The following TGS1 variants were observed in gnomAD, a reference collection of about 807,000 sequenced individuals.
TGS1 encodes the protein trimethylguanosine synthase 1.
A neutral mutation model predicts 92.2 loss-of-function variants in TGS1; 69 were observed. The observed-to-expected ratio is 0.75, with a 90% CI of 0.62 to 0.91. The LOEUF is 0.91. Ranked by LOEUF, TGS1 falls within the 40% of genes least tolerant of loss-of-function variation. The probability of loss-of-function intolerance (pLI) is 0.00; values close to 1 mark genes in which losing one functional copy is unlikely to be tolerated. For synonymous variants in TGS1, 345 were observed against 338.1 expected, an observed-to-expected ratio of 1.02 and a Z score of -0.22; for missense variants, 1,062 against 1,001.2, an observed-to-expected ratio of 1.06 and a Z score of -0.82.
At position 55,826,116 on chromosome 8, in the gene TGS1, C is replaced by G. The variant is rs148932827; in HGVS notation, c.*1413C>G. Among the ~76,000 whole-genome samples the G allele has an allele frequency of 3.3e-5, 5 of 152,244 alleles. No individual in the cohort carries two copies. The highest frequency in any genetic ancestry group is 3.9e-4 in the East Asian group (2 of 5,180). On this transcript the variant is annotated 3_prime_UTR_variant, in exon 13 of 13. Transcript: ENST00000260129. ...CCAACCACCTCAGCCTCCCGTAGTT[C>G]TGGGATTACAGGCGTGAGCCACCGC...
At chr8:55,810,714 A>T (rs1803314801) in intron 10 of TGS1, among the ~76,000 whole-genome samples, 167 bp from the exon 11 acceptor site, 1 of 152,248 alleles carries the variant, frequency 6.6e-6, no homozygotes, top group South Asian at 2.1e-4. Flanking sequence ...TAATTTAAAT[A>T]AAAAATTTAA....
At chr8:55,804,808 TA>T in intron 9 of TGS1, 84 bp from the exon 10 acceptor site, 1 of 1,144,046 alleles carries the variant, frequency 8.7e-7, no homozygotes, top group East Asian at 2.5e-5. Flanking sequence ...TAAAAGTATG[TA>T]AGATATAGTA....
intron 12 of TGS1, among the ~76,000 whole-genome samples, chr8:55,813,602 T>C (rs547039281): frequency 1.1e-4 from 16 of 152,242 alleles, no homozygotes; most frequent in Non-Finnish European, 2.4e-4. Flanking sequence ...TGTTGCTAAC[T>C]GGGTTTTTCC....
At chr8:55,798,168 A>G (rs902050195) in intron 7 of TGS1, among the ~76,000 whole-genome samples, 5 of 152,234 alleles carry the variant, frequency 3.3e-5, no homozygotes, top group Non-Finnish European at 7.3e-5. Context: ...TAATTTATTT[A>G]TAGGCACATT....
At chr8:55,791,792 A>T (rs28587405) in intron 5 of TGS1, among the ~76,000 whole-genome samples, 20,763 of 151,932 alleles carry the variant, frequency 0.14, 1,539 homozygotes, top group African/African-American at 0.19. Flanking sequence ...TCATCTCTAC[A>T]TTTTTTTCTT....
rs143324259 is a variant in TGS1 at position 55,789,263 on chromosome 8, A to G, written c.1163-919A>G. Among the ~76,000 whole-genome samples, 754 of 152,336 alleles carry G rather than the reference A, an allele frequency of 4.9e-3. 6 individuals carry two copies. Among genetic ancestry groups the G allele is most frequent in the South Asian group, 0.022 (107 of 4,824 alleles). On this transcript the variant is annotated intron_variant, in intron 4 of 12. Coordinates refer to ENST00000260129, the MANE Select transcript of TGS1 (RefSeq NM_024831.8). ...CTTCCAGTCTGACAAAATAGAGAAC[A>G]AAGACAGATTTGTGCCTCAGTTTTT...
chr8:55,819,350 G>T (rs1803572542), intron 12 of TGS1, among the ~76,000 whole-genome samples: 1 of 137,528 alleles, frequency 7.3e-6, no homozygotes, highest in African/African-American at 2.8e-5. Flanking sequence ...AGGCTGGAGT[G>T]CAATGGCCTG....
intron 6 of TGS1, among the ~76,000 whole-genome samples, chr8:55,794,595 T>TA (rs1429740704): frequency 6.6e-6 from 1 of 151,774 alleles, no homozygotes; most frequent in Non-Finnish European, 1.5e-5. Context: ...AGGCAGAAAA[T>TA]AAAAAAATAA....
At position 55,773,554 on chromosome 8, in the gene TGS1, C is replaced by T; in HGVS notation, c.-65C>T. 7.6e-7 allele frequency: 1 copy of T among 1,310,500 alleles called. No homozygotes were observed. Among genetic ancestry groups the T allele is most frequent in the South Asian group, 1.2e-5 (1 of 80,698 alleles). 81.2% of individuals were successfully genotyped at this position (1,310,500 alleles called of 1,614,324 possible). On this transcript the variant is annotated 5_prime_UTR_variant, in exon 1 of 13. Transcript: ENST00000260129. ...GAGGCCTGTTTTAAGTCTCCAGTAA[C>T]CGAGCGGAGGCCCGGCAGGCGCGAC... is the stretch of plus-strand genomic sequence containing the variant.
chr8:55,795,941 ATT>A, intron 6 of TGS1, 35 bp from the exon 7 acceptor site: 1 of 1,516,922 alleles, frequency 6.6e-7, no homozygotes, highest in Non-Finnish European at 9.0e-7. Context: ...TAATCCTAGA[ATT>A]TAAGTTGTGA....
At chr8:55,792,831 C>A in intron 6 of TGS1, 47 bp downstream of exon 6, 1 of 1,309,350 alleles carries the variant, frequency 7.6e-7, no homozygotes, top group Non-Finnish European at 1.1e-6. Flanking sequence ...CTAACCACTT[C>A]AACTATCTTA....
intron 8 of TGS1, among the ~76,000 whole-genome samples, chr8:55,801,383 G>A (rs1232257445): frequency 6.6e-6 from 1 of 151,376 alleles, no homozygotes; most frequent in African/African-American, 2.4e-5. Context: ...CGATTCTTCT[G>A]CCTGAGCCTC....
At chr8:55,820,897 C>G (rs1803618281) in intron 12 of TGS1, among the ~76,000 whole-genome samples, 1 of 152,120 alleles carries the variant, frequency 6.6e-6, no homozygotes, top group African/African-American at 2.4e-5. Flanking sequence ...TCTAAGAAAG[C>G]GGAGGGAACC....
rs1397087761 is a variant in TGS1, at chr8:55,796,107, A to G, written c.1497A>G (p.Lys499=). 1 of 1,613,088 alleles carries G rather than the reference A, an allele frequency of 6.2e-7. No homozygotes were observed. Among genetic ancestry groups the G allele is most frequent in the Admixed American group, 1.7e-5 (1 of 59,852 alleles). The change falls in exon 7 of 13, where the codon AAA becomes AAG. Residue 499 remains lysine (K), a synonymous_variant. Coordinates refer to ENST00000260129, the MANE Select transcript of TGS1 (RefSeq NM_024831.8). ...AAAACAAACACATCTTCTTTACCAA[A>G]GAGTCAGAAAAACCATTTTTCAAGA... ...KMKNKHIFFT[K]ESEKPFFKKS...
rs749316293 is a variant in TGS1 at position 55,811,007 on chromosome 8, C to T, written c.2270C>T (p.Ala757Val). ...TTGCTGCTGGCTTCTTTTTTAAAGG[C>T]TGATGTTGTGTTCCTCAGCCCACCT... ...DFLLLASFLK[A>V]DVVFLSPPWG... Residue 757 changes from alanine to valine, a missense_variant, in exon 11 of 13, where the codon GCT (alanine) becomes GTT (valine). Ala to Val is a moderately conservative substitution (Grantham distance 64). Coordinates refer to ENST00000260129, the MANE Select transcript of TGS1 (RefSeq NM_024831.8). The T allele has an allele frequency of 1.2e-6, 2 of 1,614,164 alleles. No individual in the cohort carries two copies. Among genetic ancestry groups the T allele is most frequent in the Admixed American group, 3.3e-5 (2 of 60,022 alleles).
chr8:55,807,663 G>C (rs953726780), intron 10 of TGS1, among the ~76,000 whole-genome samples: 8 of 152,016 alleles, frequency 5.3e-5, no homozygotes, highest in Non-Finnish European at 1.5e-5. Flanking sequence ...AAGTAGCTGA[G>C]ACTACAGGCA....
At chr8:55,814,905 T>C (rs1427521076) in intron 12 of TGS1, among the ~76,000 whole-genome samples, 1 of 151,542 alleles carries the variant, frequency 6.6e-6, no homozygotes, top group Admixed American at 6.6e-5. Context: ...AAAGTTCATA[T>C]TAAACACCAG....
chr8:55,816,960 G>C lies in TGS1; in HGVS notation c.2439+3842G>C, dbSNP rs535637645. On this transcript the variant is annotated intron_variant, in intron 12 of 12. Coordinates refer to ENST00000260129, the MANE Select transcript of TGS1 (RefSeq NM_024831.8). ...ACTGCAACCTCTGCCTGCCTCCCGG[G>C]TTCAAGCGATTCTCCTGCCTCAGCC... 2.7e-4 allele frequency among the ~76,000 whole-genome samples: 41 copies of C among 152,072 alleles called. 1 individual carries two copies. Among genetic ancestry groups the C allele is most frequent in the African/African-American group, 9.4e-4 (39 of 41,468 alleles).
intron 12 of TGS1, among the ~76,000 whole-genome samples, chr8:55,813,979 G>A (rs1215858319): frequency 1.3e-5 from 2 of 151,786 alleles, no homozygotes; most frequent in Non-Finnish European, 2.9e-5. Flanking sequence ...AGACCATATC[G>A]CTCTATCACC....
Sources: gnomAD v4.1 joint callset for allele counts (sites outside exome capture counted in the v4.1 genomes callset) on GRCh38, gnomAD v4.1.1 for gene constraint, MANE v1.5 for transcripts, NCBI Gene and HGNC (gene_info 2026-07-23, HGNC 2026-07-21) for gene names.